Variants in DNAH1 observed in about 807,000 individuals in gnomAD.
DNAH1 encodes dynein axonemal heavy chain 1, also known as axonemal beta dynein heavy chain 1.
A neutral mutation model predicts 484.3 loss-of-function variants in DNAH1; 327 were observed. That is an observed-to-expected ratio of 0.68 (90% CI 0.62 to 0.74). DNAH1 has a LOEUF of 0.74. Ranked by LOEUF, DNAH1 falls within the 30% of genes least tolerant of loss-of-function variation. The probability of loss-of-function intolerance (pLI) is 0.00; values close to 1 mark genes in which losing one functional copy is unlikely to be tolerated. For missense variants in DNAH1, 5,052 were observed against 5,546.8 expected, an observed-to-expected ratio of 0.91 and a Z score of 2.83; for synonymous variants, 2,192 against 2,191.9, an observed-to-expected ratio of 1.00 and a Z score of 0.00.
chr3:52,317,114 A>G (rs1700975341), intron 1 of DNAH1, among the ~76,000 whole-genome samples: 1 of 152,158 alleles, frequency 6.6e-6, no homozygotes, highest in South Asian at 2.1e-4. Context: ...TTGCTGAACC[A>G]TTTGAAAGGA....
Position 52,331,315 on chromosome 3 carries a change from AG to A in DNAH1, c.1033+8del. 1 of 1,599,552 alleles carries A rather than the reference AG, an allele frequency of 6.3e-7. No individual in the cohort carries two copies. The highest frequency in any genetic ancestry group is 1.1e-5 in the South Asian group (1 of 88,134). ...TGCAGGGGTCACCACTGAAGGTATG[AG>A]GTCCTGCCGCTGCCCCAGGCAGAAC... is the stretch of plus-strand genomic sequence containing the variant. On this transcript the variant is annotated splice_region_variant and intron_variant, in intron 7 of 77. Coordinates refer to ENST00000420323, the MANE Select transcript of DNAH1 (RefSeq NM_015512.5).
intron 48 of DNAH1, among the ~76,000 whole-genome samples, chr3:52,380,415 C>T (rs1176149917): frequency 6.6e-6 from 1 of 152,162 alleles, no homozygotes; most frequent in Non-Finnish European, 1.5e-5. Context: ...GGGGGCGGGG[C>T]CTGGGGCCAT....
At chr3:52,366,389 CAAGT>C in intron 34 of DNAH1, 64 bp from the exon 35 acceptor site, 1 of 1,325,648 alleles carries the variant, frequency 7.5e-7, no homozygotes, top group Non-Finnish European at 1.1e-6. Flanking sequence ...CAAGGTCACA[CAAGT>C]TAGTGGTGTG....
In DNAH1 at chr3:52,353,406, C is replaced by G. The variant is rs199955529; in HGVS notation, c.3253C>G (p.Arg1085Gly). The G allele has an allele frequency of 6.8e-6, 11 of 1,612,414 alleles. No homozygotes were observed. In the East Asian group the frequency reaches 2.0e-4, roughly 29 times the overall value. The change falls in exon 20 of 78, where the codon CGG (arginine) becomes GGG (glycine). Residue 1085 changes from arginine to glycine, a missense_variant. Transcript: ENST00000420323. This position sits in a 1 kb window ranked among gnomAD's most constrained non-coding sequence, Gnocchi z 5.0. Reference protein sequence around the residue: ...PACQEVALDIRARIEEFKPYI... With the variant: ...PACQEVALDIGARIEEFKPYI... ...CTGCCAGGAAGTGGCCTTGGACATC[C>G]GGGCCCGCATCGAGGAGTTCAAACC...
intron 4 of DNAH1, 73 bp from the exon 5 acceptor site, chr3:52,326,662 C>T (rs1701356231): frequency 6.6e-7 from 1 of 1,516,034 alleles, no homozygotes; most frequent in African/African-American, 1.4e-5. Flanking sequence ...ACCCCGTAGG[C>T]CCTTGTGGAC....
chr3:52,346,592 A>G lies in DNAH1; in HGVS notation c.1777A>G (p.Met593Val), dbSNP rs1261162720. The G allele has an allele frequency of 1.2e-6, 2 of 1,614,054 alleles. No individual in the cohort carries two copies. Among genetic ancestry groups the G allele is most frequent in the Admixed American group, 1.7e-5 (1 of 60,032 alleles). The change falls in exon 11 of 78, where the codon ATG becomes GTG. Residue 593 changes from methionine to valine, a missense_variant. Transcript: ENST00000420323. ...LYETNWEVYL[M>V]SKLRKLMELV... Reference sequence around the variant, plus strand: ...CGAGACCAACTGGGAGGTGTACCTCATGTCCAAGCTGCGCAAGCTGATGGA... The same window carrying G: ...CGAGACCAACTGGGAGGTGTACCTCGTGTCCAAGCTGCGCAAGCTGATGGA...
chr3:52,318,600 G>T (rs1450831063), intron 1 of DNAH1, among the ~76,000 whole-genome samples: 1 of 152,136 alleles, frequency 6.6e-6, no homozygotes, highest in Non-Finnish European at 1.5e-5. Context: ...CCAGCCTCAT[G>T]CTAGGTGCTA....
chr3:52,346,816 G>T, intron 11 of DNAH1, 46 bp downstream of exon 11: 1 of 1,554,224 alleles, frequency 6.4e-7, no homozygotes. Context: ...CAGGTGATGT[G>T]TCACCTGCTG....
chr3:52,373,862 T>C lies in DNAH1; in HGVS notation c.6985+809T>C, dbSNP rs1159723810. The C allele has an allele frequency of 7.1e-6, 10 of 1,410,834 alleles. No homozygotes were observed. The Admixed American group carries it at 1.0e-4, about 14-fold the overall frequency. 87.4% of individuals were successfully genotyped at this position (1,410,834 alleles called of 1,614,324 possible). On this transcript the variant is annotated intron_variant, in intron 44 of 77. Transcript: ENST00000420323. ...CAGAAGTAGTCCATATGTTTGCAGT[T>C]AACATGTTTCGAATATTACCACCTT...
intron 28 of DNAH1, among the ~76,000 whole-genome samples, 168 bp downstream of exon 28, chr3:52,360,592 C>T (rs924298142): frequency 1.3e-5 from 2 of 152,154 alleles, no homozygotes; most frequent in African/African-American, 2.4e-5. Flanking sequence ...CCATCACAGG[C>T]GGAGTGACTT....
chr3:52,391,248 A>T lies in DNAH1; in HGVS notation c.9811A>T (p.Ile3271Phe). ...CTTCCTGCGCAGCATGGAGAACGCC[A>T]TCCGCTTTGGCAAGCCATGTCTCCT... ...RDFLRSMENA[I>F]RFGKPCLLEN... Residue 3271 changes from isoleucine to phenylalanine, a missense_variant, in exon 62 of 78, where the codon ATC (isoleucine) becomes TTC (phenylalanine). Ile to Phe is a conservative substitution (Grantham distance 21, BLOSUM62 0). Transcript: ENST00000420323. 6.2e-7 allele frequency: 1 copy of T among 1,613,742 alleles called. No homozygotes were observed. The highest frequency in any genetic ancestry group is 2.2e-5 in the East Asian group (1 of 44,862).
In DNAH1 at chr3:52,323,884, A is replaced by G. The variant is rs748903729; in HGVS notation, c.406+4A>G. 2.6e-6 allele frequency: 4 copies of G among 1,568,514 alleles called. No homozygotes were observed. The South Asian group carries it at 4.7e-5, about 18-fold the overall frequency. Reference sequence around the variant, plus strand: ...CTTGACAAGTTCACCCCAAGAGGTCAGTGCTCAGGAGGGCTGTGTGAGTGG... The same window carrying G: ...CTTGACAAGTTCACCCCAAGAGGTCGGTGCTCAGGAGGGCTGTGTGAGTGG... On this transcript the variant is annotated splice_donor_region_variant and intron_variant, in intron 3 of 77. Transcript: ENST00000420323.
chr3:52,375,832 T>C, intron 45 of DNAH1, 123 bp from the exon 46 acceptor site: 1 of 1,160,958 alleles, frequency 8.6e-7, no homozygotes, highest in African/African-American at 1.6e-5. Context: ...TCTCTGAGCC[T>C]TTATGGGGTT....
upstream of DNAH1, among the ~76,000 whole-genome samples, chr3:52,312,516 G>GTGA (rs1461118913): frequency 1.4e-5 from 2 of 146,734 alleles, no homozygotes; most frequent in Non-Finnish European, 3.0e-5. Context: ...TGTCACCCAA[G>GTGA]CTGGAGCACA....
chr3:52,382,222 A>G, intron 49 of DNAH1, 98 bp from the exon 50 acceptor site: 1 of 1,591,732 alleles, frequency 6.3e-7, no homozygotes, highest in Non-Finnish European at 8.6e-7. Flanking sequence ...GGATGGGAGC[A>G]GAATTCCAGG....
intron 7 of DNAH1, 81 bp downstream of exon 7, chr3:52,331,390 G>A (rs1035893382): frequency 3.0e-5 from 44 of 1,466,550 alleles, no homozygotes; most frequent in Non-Finnish European, 4.0e-5. Context: ...TCCGCCCAGG[G>A]CACTGCCAGA....
At chr3:52,357,214 G>C (rs918613132) in intron 22 of DNAH1, among the ~76,000 whole-genome samples, 1 of 151,930 alleles carries the variant, frequency 6.6e-6, no homozygotes, top group Non-Finnish European at 1.5e-5. Flanking sequence ...ACCACGCGTG[G>C]CTGATTTTCT....
chr3:52,399,926 T>C, intron 77 of DNAH1, 147 bp downstream of exon 77: 1 of 857,784 alleles, frequency 1.2e-6, no homozygotes, highest in Non-Finnish European at 1.8e-6. Flanking sequence ...GGCAGGTTAA[T>C]GCCCAAGGCC....
rs770169482 is a variant in DNAH1, at chr3:52,359,991, A to G, written c.4483A>G (p.Ile1495Val). 1.2e-6 allele frequency: 2 copies of G among 1,613,916 alleles called. No individual in the cohort carries two copies. The highest frequency in any genetic ancestry group is 8.5e-7 in the Non-Finnish European group (1 of 1,179,888). The change falls in exon 27 of 78, where the codon ATT (isoleucine) becomes GTT (valine). Residue 1495 changes from isoleucine to valine, a missense_variant. Physicochemically the swap from Ile to Val is conservative, Grantham distance 29. Transcript: ENST00000420323. ...GGCAGTGCTGTCAGCGCTAATCGTC[A>G]TTGAGGTCCATGCCAAGGACGTGGT... Reference protein sequence around the residue: ...QRAVLSALIVIEVHAKDVVSK... With the variant: ...QRAVLSALIVVEVHAKDVVSK...
Sources: gnomAD v4.1 joint callset for allele counts (sites outside exome capture counted in the v4.1 genomes callset) on GRCh38, gnomAD v4.1.1 for gene constraint, Gnocchi (gnomAD v3.1) non-coding constraint, MANE v1.5 for transcripts, NCBI Gene and HGNC (gene_info 2026-07-23, HGNC 2026-07-21) for gene names.